SLC24A2: variants seen among roughly 807,000 people sequenced by gnomAD.
The protein encoded by SLC24A2 is solute carrier family 24 member 2.
Under a neutral mutation model 62.0 loss-of-function variants are expected in SLC24A2, and 36 were observed. That is an observed-to-expected ratio of 0.58 (90% CI 0.44 to 0.77). SLC24A2 has a LOEUF of 0.77. SLC24A2 is among the 30% of genes least tolerant of loss of function. The probability of loss-of-function intolerance (pLI) is 0.00; values close to 1 mark genes in which losing one functional copy is unlikely to be tolerated. For synonymous variants in SLC24A2, 358 were observed against 294.0 expected (o/e 1.22, Z -2.23); for missense variants, 846 against 817.9 (o/e 1.03, Z -0.42).
chr9:19,969,305 C>G, the SLC24A2 span, among the ~76,000 whole-genome samples: 1 of 152,026 alleles, frequency 6.6e-6, no homozygotes, highest in Admixed American at 6.6e-5. Context: ...CACTCCCTCC[C>G]CCAAAACCTA....
At chr9:19,972,673 A>G in the SLC24A2 span, among the ~76,000 whole-genome samples, 2 of 152,196 alleles carry the variant, frequency 1.3e-5, no homozygotes, top group African/African-American at 2.4e-5. Context: ...AAATGAGTGC[A>G]TATCTTATAT....
the SLC24A2 span, among the ~76,000 whole-genome samples, chr9:20,183,108 C>G: frequency 1.3e-5 from 2 of 152,130 alleles, no homozygotes; most frequent in Admixed American, 1.3e-4. Context: ...AAATCTAGAT[C>G]TACCTTAGTG....
At chr9:19,533,951 G>C (rs1563939830) in intron 8 of SLC24A2, among the ~76,000 whole-genome samples, 1 of 152,164 alleles carries the variant, frequency 6.6e-6, no homozygotes, top group Non-Finnish European at 1.5e-5. Context: ...TATGCTTTGT[G>C]AATAAACTGG....
At chr9:19,852,040 G>C in the SLC24A2 span, among the ~76,000 whole-genome samples, 11 of 152,252 alleles carry the variant, frequency 7.2e-5, no homozygotes, top group East Asian at 2.1e-3. Flanking sequence ...GCATAAGATA[G>C]TATCTCATTG....
the SLC24A2 span, among the ~76,000 whole-genome samples, chr9:19,974,548 G>A: frequency 6.6e-6 from 1 of 152,206 alleles, no homozygotes; most frequent in African/African-American, 2.4e-5. Context: ...AACATTAATT[G>A]ATTTTTCCTT....
chr9:19,888,554 G>T, the SLC24A2 span, among the ~76,000 whole-genome samples: 1 of 152,068 alleles, frequency 6.6e-6, no homozygotes, highest in Non-Finnish European at 1.5e-5. Context: ...TTTTGATTCT[G>T]CAGTGTTTCA....
intron 7 of SLC24A2, among the ~76,000 whole-genome samples, chr9:19,557,353 CCTT>C (rs1205178927): frequency 6.6e-6 from 1 of 152,112 alleles, no homozygotes; most frequent in Admixed American, 6.5e-5. Context: ...GAGAAGCAAA[CCTT>C]CTTGGAAGGC....
intron 2 of SLC24A2, among the ~76,000 whole-genome samples, chr9:19,637,984 A>T (rs1721860072): frequency 6.6e-6 from 1 of 152,032 alleles, no homozygotes; most frequent in South Asian, 2.1e-4. Flanking sequence ...TGAGAGAGAA[A>T]TCAATAGCAC....
At chr9:20,217,959 A>G in the SLC24A2 span, among the ~76,000 whole-genome samples, 1 of 152,186 alleles carries the variant, frequency 6.6e-6, no homozygotes, top group Non-Finnish European at 1.5e-5. Context: ...CTCAAAGAAA[A>G]CAGTCAACTA....
At position 19,507,567 on chromosome 9, in the gene SLC24A2, A is replaced by C. The variant is rs543783324; in HGVS notation, c.*8586T>G. 6.6e-6 allele frequency: 1 copy of C among 152,340 alleles called. No homozygotes were observed. The highest frequency in any genetic ancestry group is 6.5e-5 in the Admixed American group (1 of 15,298). The allele number at this position is 152,340 out of a possible 1,614,324, so 9.4% of individuals were successfully genotyped here. On this transcript the variant is annotated 3_prime_UTR_variant, in exon 11 of 11. Transcript: ENST00000341998. Reference sequence around the variant, plus strand: ...GTAGTAGAAGCACAAAGGTATGGACAGTGAAACAAGAAGAAACACCCTTTA... The same window carrying C: ...GTAGTAGAAGCACAAAGGTATGGACCGTGAAACAAGAAGAAACACCCTTTA...
At position 19,524,194 on chromosome 9, in the gene SLC24A2, T is replaced by C. The variant is rs187494169; in HGVS notation, c.1570-3134A>G. On this transcript the variant is annotated intron_variant, in intron 9 of 10. Transcript: ENST00000341998. Reference sequence around the variant, plus strand: ...GCCACTCAGAGGAGGCCAAACTCCATGCTGCTCCCAATATTTTGTGATGCA... The same window carrying C: ...GCCACTCAGAGGAGGCCAAACTCCACGCTGCTCCCAATATTTTGTGATGCA... Among the ~76,000 whole-genome samples, 284 of 142,566 alleles carry C rather than the reference T, an allele frequency of 2.0e-3. 5 individuals carry two copies. Among genetic ancestry groups the C allele is most frequent in the Non-Finnish European group, 5.0e-4 (33 of 66,008 alleles). The allele number at this position is 142,566 out of a possible 152,430, so 93.5% of individuals were successfully genotyped here. A position where few individuals can be genotyped will look rare whatever the true frequency, so the allele number is the denominator to read the frequency against.
intron 8 of SLC24A2, among the ~76,000 whole-genome samples, chr9:19,531,997 T>C (rs1185091552): frequency 6.6e-6 from 1 of 152,162 alleles, no homozygotes; most frequent in Non-Finnish European, 1.5e-5. Flanking sequence ...CCCCTGAGGA[T>C]ACCAAAATCT....
intron 2 of SLC24A2, among the ~76,000 whole-genome samples, chr9:19,707,634 A>G (rs1314082376): frequency 6.6e-6 from 1 of 152,240 alleles, no homozygotes; most frequent in Non-Finnish European, 1.5e-5. Context: ...CAGCATATAA[A>G]CAGAACCAAA....
the SLC24A2 span, among the ~76,000 whole-genome samples, chr9:20,049,106 T>C: frequency 1.3e-5 from 2 of 152,120 alleles, no homozygotes; most frequent in Admixed American, 6.5e-5. Context: ...CAACTATATA[T>C]GGAAAGGGCT....
rs1823150509 is a variant in SLC24A2, at chr9:19,785,932, C to A, written c.930+5G>T. On this transcript the variant is annotated splice_donor_5th_base_variant and intron_variant, in intron 2 of 10. Coordinates refer to ENST00000341998, the MANE Select transcript of SLC24A2 (RefSeq NM_020344.4). ...AGCATTAAATAAAAATCCACCACCA[C>A]CAACCTTTGCTTGGGCTTCTGGTGC... The A allele has an allele frequency of 1.2e-6, 2 of 1,614,188 alleles. No individual in the cohort carries two copies. The highest frequency in any genetic ancestry group is 1.1e-5 in the South Asian group (1 of 91,080).
chr9:19,752,216 C>T (rs986325580), intron 2 of SLC24A2, among the ~76,000 whole-genome samples: 1 of 151,952 alleles, frequency 6.6e-6, no homozygotes, highest in Non-Finnish European at 1.5e-5. Flanking sequence ...CAGGATGGAG[C>T]TAGGTAGAAC....
At chr9:20,192,194 C>G in the SLC24A2 span, among the ~76,000 whole-genome samples, 1 of 152,076 alleles carries the variant, frequency 6.6e-6, no homozygotes, top group Non-Finnish European at 1.5e-5. Context: ...TAAGCAAAGA[C>G]TCTAAAAGAA....
the SLC24A2 span, among the ~76,000 whole-genome samples, chr9:20,115,207 C>A: frequency 6.6e-6 from 1 of 152,100 alleles, no homozygotes; most frequent in South Asian, 2.1e-4. Flanking sequence ...TCTTATCATG[C>A]AGATAAAGTG....
At chr9:19,811,210 AG>A in the SLC24A2 span, among the ~76,000 whole-genome samples, 1 of 152,210 alleles carries the variant, frequency 6.6e-6, no homozygotes, top group Non-Finnish European at 1.5e-5. Context: ...AGAAATTGAC[AG>A]TCTGCAACCT....
Sources: gnomAD v4.1 joint callset for allele counts (sites outside exome capture counted in the v4.1 genomes callset) on GRCh38, gnomAD v4.1.1 for gene constraint, MANE v1.5 for transcripts, NCBI Gene and HGNC (gene_info 2026-07-23, HGNC 2026-07-21) for gene names.